The following CDK13 variants were observed in gnomAD, a reference collection of about 807,000 sequenced individuals.
The protein encoded by CDK13 is cyclin-dependent kinase 13.
Under a neutral mutation model 137.6 loss-of-function variants are expected in CDK13, and 40 were observed. The observed-to-expected ratio is 0.29, with a 90% confidence interval of 0.23 to 0.38. The LOEUF is 0.38. Ranked by LOEUF, CDK13 falls within the 10% of genes least tolerant of loss-of-function variation. CDK13 has a pLI of 1.00. For synonymous variants in CDK13, 869 were observed against 760.1 expected, an observed-to-expected ratio of 1.14 and a Z score of -2.36; for missense variants, 1,704 against 1,951.8, an observed-to-expected ratio of 0.87 and a Z score of 2.39.
At chr7:40,054,809 T>C (rs979483517) in intron 7 of CDK13, among the ~76,000 whole-genome samples, 6 of 152,230 alleles carry the variant, frequency 3.9e-5, no homozygotes, top group Non-Finnish European at 8.8e-5. Context: ...TGTTTTCTAA[T>C]GTGTTACTTT....
chr7:39,974,784 AAAC>A (rs1784071905), intron 1 of CDK13, among the ~76,000 whole-genome samples: 1 of 152,038 alleles, frequency 6.6e-6, no homozygotes, highest in Non-Finnish European at 1.5e-5. Flanking sequence ...GGCTGGTCTC[AAAC>A]TCCTGACCTC....
At chr7:39,986,399 A>G (rs547550806) in intron 1 of CDK13, 47 of 152,250 alleles carry the variant, frequency 3.1e-4, no homozygotes, top group Non-Finnish European at 5.3e-4. Flanking sequence ...TGAGAAGTGA[A>G]TGGCCTCATT....
At chr7:39,987,120 C>G (rs371919285) in intron 1 of CDK13, 1 of 152,290 alleles carries the variant, frequency 6.6e-6, no homozygotes, top group African/African-American at 2.4e-5. Context: ...CTTTCTGAAA[C>G]GAACTCTAAG....
intron 10 of CDK13, 156 bp downstream of exon 10, chr7:40,078,277 C>A: frequency 2.3e-6 from 1 of 427,340 alleles, no homozygotes. Context: ...TGCAGATTAC[C>A]ATTTTACCAT....
chr7:39,983,869 A>G (rs1387187361), intron 1 of CDK13, among the ~76,000 whole-genome samples: 1 of 150,178 alleles, frequency 6.7e-6, no homozygotes, highest in East Asian at 2.2e-4. Context: ...CAATCACTTC[A>G]TATTTAGCCA....
chr7:40,060,585 C>T (rs535212448), intron 7 of CDK13, among the ~76,000 whole-genome samples: 14 of 151,940 alleles, frequency 9.2e-5, no homozygotes, highest in Non-Finnish European at 1.8e-4. Context: ...AAGAATGTTA[C>T]GAGGTTTTTT....
intron 5 of CDK13, among the ~76,000 whole-genome samples, chr7:40,038,509 A>G (rs1785534343): frequency 6.6e-6 from 1 of 152,208 alleles, no homozygotes; most frequent in Admixed American, 6.5e-5. Flanking sequence ...TGTTAAGTCA[A>G]AGGGAAATAC....
rs1784591342 is a variant in CDK13, at chr7:39,997,571, C to T, written c.1949C>T (p.Pro650Leu). Residue 650 changes from proline (P) to leucine (L), a missense_variant, in exon 3 of 14, where the codon CCG (proline) becomes CTG (leucine). By Grantham distance (98) the Pro-to-Leu change is moderately conservative. Around this residue, in one of 5 missense-constraint regions of CDK13, gnomAD observed 1,051 missense variants for 931.0 expected, o/e 1.13. Transcript: ENST00000181839. ...CTCCGATGTCTTCTTGCTGATTTAC[C>T]GCTGCCCCCTGAGCTACCAGGAGGA... ...KKLRCLLADL[P>L]LPPELPGGDD... 6 of 1,606,590 alleles carry T rather than the reference C, an allele frequency of 3.7e-6. No homozygotes were observed. The highest frequency in any genetic ancestry group is 5.1e-6 in the Non-Finnish European group (6 of 1,178,064).
At chr7:39,970,017 C>CT (rs869070174) in intron 1 of CDK13, among the ~76,000 whole-genome samples, 7,550 of 136,678 alleles carry the variant, frequency 0.055, 556 homozygotes, top group African/African-American at 0.16. Context: ...GTGATTTATG[C>CT]TTTTTTTTTT....
intron 1 of CDK13, among the ~76,000 whole-genome samples, chr7:39,977,699 C>T (rs903908473): frequency 6.6e-6 from 1 of 152,118 alleles, no homozygotes; most frequent in Non-Finnish European, 1.5e-5. Context: ...GGGCCGAAGG[C>T]TTTGGGGTAA....
At chr7:40,083,162 T>C (rs971086590) in intron 11 of CDK13, among the ~76,000 whole-genome samples, 2 of 150,800 alleles carry the variant, frequency 1.3e-5, no homozygotes, top group African/African-American at 4.9e-5. Context: ...TCTTTCTCCT[T>C]CAGTTTTTTG....
chr7:39,969,153 G>A (rs1300245851), intron 1 of CDK13, among the ~76,000 whole-genome samples: 1 of 152,034 alleles, frequency 6.6e-6, no homozygotes, highest in African/African-American at 2.4e-5. Context: ...GGGATTACAG[G>A]CACACACCAC....
At chr7:40,061,772 T>C (rs1786154112) in intron 7 of CDK13, 1 of 152,238 alleles carries the variant, frequency 6.6e-6, no homozygotes, top group Non-Finnish European at 1.5e-5. Context: ...GTCAATCAGC[T>C]AGAACGTGAC....
intron 11 of CDK13, among the ~76,000 whole-genome samples, chr7:40,081,259 A>G (rs1481439919): frequency 6.6e-6 from 1 of 152,224 alleles, no homozygotes; most frequent in Non-Finnish European, 1.5e-5. Context: ...TCAAGAGAAC[A>G]TAATGTTACT....
chr7:39,972,847 C>G (rs975384915), intron 1 of CDK13, among the ~76,000 whole-genome samples: 4 of 151,942 alleles, frequency 2.6e-5, no homozygotes, highest in East Asian at 1.9e-4. Flanking sequence ...TATGATAATT[C>G]TATGTTTAAG....
intron 9 of CDK13, among the ~76,000 whole-genome samples, chr7:40,073,906 T>A (rs1426861395): frequency 6.6e-6 from 1 of 150,476 alleles, no homozygotes; most frequent in African/African-American, 2.4e-5. Flanking sequence ...TTTTTCCTTT[T>A]TTTTTTTTTT....
chr7:40,000,315 G>GA (rs1178964459), intron 4 of CDK13, among the ~76,000 whole-genome samples: 1 of 152,126 alleles, frequency 6.6e-6, no homozygotes, highest in Non-Finnish European at 1.5e-5. Flanking sequence ...GTAGTGAGCT[G>GA]AGATCACACC....
At chr7:40,047,543 G>A (rs1785774409) in intron 6 of CDK13, among the ~76,000 whole-genome samples, 1 of 151,780 alleles carries the variant, frequency 6.6e-6, no homozygotes, top group African/African-American at 2.4e-5. Context: ...GAACTGAATA[G>A]TAATAAAATA....
At chr7:40,065,425 A>G (rs1043347279) in intron 9 of CDK13, among the ~76,000 whole-genome samples, 8 of 152,166 alleles carry the variant, frequency 5.3e-5, no homozygotes, top group Non-Finnish European at 1.0e-4. Context: ...GTCTTAGACC[A>G]CACATAAAAT....
Sources: allele counts gnomAD v4.1 joint callset (sites outside exome capture counted in the v4.1 genomes callset), GRCh38; gene constraint gnomAD v4.1.1; regional missense constraint gnomAD v4.1.1; transcripts MANE v1.5; gene names NCBI Gene and HGNC (gene_info 2026-07-23, HGNC 2026-07-21).